STK32A: variants seen among roughly 807,000 people sequenced by gnomAD.
The protein encoded by STK32A is serine/threonine kinase 32A.
In STK32A, 41 loss-of-function variants were observed where a neutral mutation model predicts 53.2. The ratio of observed to expected loss-of-function variants is 0.77; its 90% CI spans 0.60 to 1.00. The LOEUF is 1.00. Among genes scored for constraint, STK32A ranks in the 50% least tolerant of loss-of-function variants. The pLI, the probability that STK32A is intolerant of heterozygous loss-of-function variation, is 0.00. For synonymous variants in STK32A, 166 were observed against 162.8 expected, an observed-to-expected ratio of 1.02 and a Z score of -0.15; for missense variants, 458 against 485.8, an observed-to-expected ratio of 0.94 and a Z score of 0.54.
chr5:147,318,609 TAA>T (rs879478287), intron 4 of STK32A, among the ~76,000 whole-genome samples: 3 of 134,650 alleles, frequency 2.2e-5, no homozygotes, highest in Non-Finnish European at 3.2e-5. Context: ...TACTAAAAAT[TAA>T]AAAAAAAAAA....
chr5:147,339,384 G>A (rs975003851), intron 5 of STK32A, among the ~76,000 whole-genome samples: 1 of 152,258 alleles, frequency 6.6e-6, no homozygotes, highest in Non-Finnish European at 1.5e-5. Context: ...GAAATGCCTA[G>A]ATGTCCCGAC....
At position 147,384,274 on chromosome 5, in the gene STK32A, C is replaced by A. The variant is rs992100279; in HGVS notation, c.*291C>A. ...GTTATACTAGACGAGCCATACCCTG[C>A]CTTTTTAGTGCTATAGTTGTTATTC... On this transcript the variant is annotated 3_prime_UTR_variant, in exon 13 of 13. Transcript: ENST00000397936. 1.3e-5 allele frequency: 17 copies of A among 1,333,066 alleles called. No homozygotes were observed. In the African/African-American group the frequency reaches 2.2e-4, roughly 18 times the overall value. The allele number at this position is 1,333,066 out of a possible 1,614,324, so 82.6% of individuals were successfully genotyped here.
chr5:147,271,902 T>C (rs1205483413), intron 2 of STK32A, among the ~76,000 whole-genome samples: 1 of 152,170 alleles, frequency 6.6e-6, no homozygotes, highest in Admixed American at 6.5e-5. Context: ...TGCCTCCATT[T>C]GCCTTGTGAT....
intron 1 of STK32A, among the ~76,000 whole-genome samples, chr5:147,235,562 G>A (rs565751958): frequency 1.7e-4 from 26 of 152,326 alleles, no homozygotes; most frequent in African/African-American, 5.3e-4. Context: ...ATAAAATGTG[G>A]TGTATTCACA....
chr5:147,298,591 G>A (rs914112387), intron 4 of STK32A, among the ~76,000 whole-genome samples: 3 of 152,206 alleles, frequency 2.0e-5, no homozygotes, highest in Non-Finnish European at 2.9e-5. Context: ...GGAAACCTCA[G>A]TTTTAGATAG....
At chr5:147,398,837 A>G in the STK32A span, among the ~76,000 whole-genome samples, 20 of 152,300 alleles carry the variant, frequency 1.3e-4, no homozygotes, top group African/African-American at 4.6e-4. Flanking sequence ...TCATGAAAAC[A>G]TATGTAGAGA....
chr5:147,343,877 G>T (rs994266275), intron 6 of STK32A, among the ~76,000 whole-genome samples: 2 of 152,186 alleles, frequency 1.3e-5, no homozygotes, highest in African/African-American at 4.8e-5. Context: ...TTGTGATATA[G>T]GGATATGGCA....
chr5:147,361,459 A>C, intron 7 of STK32A, 58 bp from the exon 8 acceptor site: 2 of 1,158,964 alleles, frequency 1.7e-6, no homozygotes, highest in Non-Finnish European at 2.5e-6. Context: ...ACATGTTGAG[A>C]AAATATAATA....
intron 4 of STK32A, among the ~76,000 whole-genome samples, chr5:147,307,057 G>C (rs1383800822): frequency 6.6e-6 from 1 of 151,840 alleles, no homozygotes; most frequent in Non-Finnish European, 1.5e-5. Context: ...CCTATCTTTT[G>C]TTTTTATGGG....
intron 7 of STK32A, among the ~76,000 whole-genome samples, chr5:147,356,874 C>A (rs1050673783): frequency 2.0e-5 from 3 of 152,082 alleles, no homozygotes; most frequent in Non-Finnish European, 4.4e-5. Flanking sequence ...TCAACCTGTA[C>A]ATTTAAATTT....
intron 8 of STK32A, among the ~76,000 whole-genome samples, chr5:147,369,530 A>G (rs1280131738): frequency 6.6e-6 from 1 of 152,210 alleles, no homozygotes; most frequent in Non-Finnish European, 1.5e-5. Flanking sequence ...GAGGTAGCTC[A>G]TTTTACAGAT....
chr5:147,392,639 G>A (rs1275404076), downstream of STK32A: 2 of 152,228 alleles, frequency 1.3e-5, no homozygotes, highest in Non-Finnish European at 2.9e-5. Flanking sequence ...AGCATGATAG[G>A]GAAAGAGATA....
chr5:147,401,788 G>T, the STK32A span: 3 of 1,493,578 alleles, frequency 2.0e-6, no homozygotes, highest in East Asian at 4.9e-5. Context: ...GCCTACCCAG[G>T]ACTGTGTCTC....
intron 7 of STK32A, among the ~76,000 whole-genome samples, chr5:147,355,753 T>G (rs568020578): frequency 6.8e-6 from 1 of 147,258 alleles, no homozygotes; most frequent in East Asian, 2.0e-4. Flanking sequence ...TATGTATGTA[T>G]GTGTATATAT....
chr5:147,355,792 G>GTGTGTGTATATATATATATATATA (rs984298293), intron 7 of STK32A, among the ~76,000 whole-genome samples: 18 of 147,842 alleles, frequency 1.2e-4, no homozygotes, highest in African/African-American at 4.5e-4. Flanking sequence ...GTGTGTGTGT[G>GTGTGTGTATATATATATATATATA]TATATATATA....
At chr5:147,271,052 G>A (rs6884889) in intron 2 of STK32A, among the ~76,000 whole-genome samples, 89,018 of 151,294 alleles carry the variant, frequency 0.59, 26,527 homozygotes, top group African/African-American at 0.67. Flanking sequence ...CTGGAGTGCA[G>A]TGGCACAGTC....
intron 8 of STK32A, among the ~76,000 whole-genome samples, chr5:147,365,522 A>G (rs1447560703): frequency 6.6e-6 from 1 of 152,094 alleles, no homozygotes; most frequent in Admixed American, 6.5e-5. Flanking sequence ...AAATAAATCC[A>G]GTGAACAAGT....
At chr5:147,393,717 T>A in the STK32A span, 1 of 249,242 alleles carries the variant, frequency 4.0e-6, no homozygotes, top group Non-Finnish European at 7.9e-6. Context: ...TGTCCCCTTG[T>A]CATAAGATGC....
At chr5:147,357,555 C>T (rs1054706714) in intron 7 of STK32A, among the ~76,000 whole-genome samples, 11 of 152,090 alleles carry the variant, frequency 7.2e-5, no homozygotes, top group African/African-American at 2.6e-4. Flanking sequence ...TATAATTTCT[C>T]ATTTTTAATT....
Sources: allele counts gnomAD v4.1 joint callset (sites outside exome capture counted in the v4.1 genomes callset), GRCh38; gene constraint gnomAD v4.1.1; transcripts MANE v1.5; gene names NCBI Gene and HGNC (gene_info 2026-07-23, HGNC 2026-07-21).